FREM1: variants seen among roughly 807,000 people sequenced by gnomAD.
FREM1 encodes the protein FRAS1-related extracellular matrix protein 1.
Under a neutral mutation model 210.1 loss-of-function variants are expected in FREM1, and 220 were observed. That is an observed-to-expected ratio of 1.05 (90% CI 0.94 to 1.17). FREM1 has a LOEUF of 1.17. FREM1 is among the 50% of genes most tolerant of loss of function. FREM1 has a pLI of 0.00. For synonymous variants in FREM1, 1,189 were observed against 980.2 expected (o/e 1.21, Z -3.98); for missense variants, 3,454 against 2,675.5 (o/e 1.29, Z -6.42).
chr9:14,907,975 C>T (rs996520057), intron 1 of FREM1, among the ~76,000 whole-genome samples: 2 of 152,170 alleles, frequency 1.3e-5, no homozygotes, highest in South Asian at 4.1e-4. Context: ...AAGGACCCTG[C>T]CTGTGCATGC....
rs1361617575 is a variant in FREM1, at chr9:14,764,492, G to T, written c.5205-4591C>A. On this transcript the variant is annotated intron_variant, in intron 27 of 36. Transcript: ENST00000380880. The stretch of plus-strand genomic sequence containing the variant: ...CTTTATTAGCATAGAGAGAAAGATG[G>T]CATTGATAAATGAGCATTCTAACAT... Among the ~76,000 whole-genome samples, 3 of 152,170 alleles carry T rather than the reference G, an allele frequency of 2.0e-5. No individual in the cohort carries two copies. The East Asian group carries it at 5.8e-4, about 29-fold the overall frequency.
chr9:14,881,849 G>C (rs963460785), intron 1 of FREM1, among the ~76,000 whole-genome samples: 1 of 152,216 alleles, frequency 6.6e-6, no homozygotes, highest in Non-Finnish European at 1.5e-5. Context: ...GTGTCTCTGA[G>C]AAACCTCCTT....
At chr9:14,834,809 T>C (rs1824233710) in intron 10 of FREM1, among the ~76,000 whole-genome samples, 1 of 152,230 alleles carries the variant, frequency 6.6e-6, no homozygotes. Context: ...TCTAAAATTC[T>C]AATGCCTAAG....
intron 1 of FREM1, among the ~76,000 whole-genome samples, chr9:14,872,020 G>T (rs376613584): frequency 1.3e-5 from 2 of 152,230 alleles, no homozygotes; most frequent in South Asian, 4.2e-4. Context: ...CTGTTCCATT[G>T]ATCTATATCT....
rs377476001 is a variant in FREM1, at chr9:14,775,821, C to A, written c.4825G>T (p.Val1609Leu). The A allele has an allele frequency of 1.2e-6, 2 of 1,613,000 alleles. No homozygotes were observed. The highest frequency in any genetic ancestry group is 2.7e-5 in the African/African-American group (2 of 74,832). ...TNQGFIVNGR[V>L]WEEPVLFTIQ... ...GTGAATAAAACAGGTTCTTCCCACA[C>A]TCTCCCATTCACAATAAAGCCTTGG... The change falls in exon 25 of 37, where the codon GTG becomes TTG. Residue 1609 changes from valine (V) to leucine (L), a missense_variant. Coordinates refer to ENST00000380880, the MANE Select transcript of FREM1 (RefSeq NM_001379081.2).
intron 7 of FREM1, among the ~76,000 whole-genome samples, chr9:14,846,566 A>G (rs73415676): frequency 0.072 from 10,942 of 152,270 alleles, 968 homozygotes; most frequent in African/African-American, 0.21. Flanking sequence ...GTTCTATGAC[A>G]TGCCAACGTG....
intron 24 of FREM1, among the ~76,000 whole-genome samples, chr9:14,783,916 A>G (rs900384817): frequency 1.3e-5 from 2 of 152,198 alleles, no homozygotes; most frequent in African/African-American, 2.4e-5. Context: ...AATGTTTACT[A>G]ATAAATCCCT....
At chr9:14,763,569 G>T (rs1421988254) in intron 27 of FREM1, among the ~76,000 whole-genome samples, 2 of 152,192 alleles carry the variant, frequency 1.3e-5, no homozygotes, top group Non-Finnish European at 1.5e-5. Context: ...GTAAGTGGAA[G>T]ACATGGCATG....
chr9:14,889,360 A>T (rs1346336146), intron 1 of FREM1, among the ~76,000 whole-genome samples: 2 of 152,158 alleles, frequency 1.3e-5, no homozygotes, highest in East Asian at 3.8e-4. Context: ...CACTGTTTTA[A>T]TTTGCACTTC....
chr9:14,784,698 G>C, intron 23 of FREM1, 64 bp from the exon 24 acceptor site: 2 of 1,318,950 alleles, frequency 1.5e-6, no homozygotes, highest in Non-Finnish European at 2.0e-6. Flanking sequence ...CCAAGGCAAA[G>C]GCAGAAGACA....
chr9:14,850,515 C>T (rs552709718), intron 6 of FREM1: 4 of 152,204 alleles, frequency 2.6e-5, no homozygotes, highest in Admixed American at 6.5e-5. Flanking sequence ...CACACAAATT[C>T]GGAAAGTGTT....
At chr9:14,857,822 G>T in intron 4 of FREM1, 73 bp from the exon 5 acceptor site, 2 of 1,069,222 alleles carry the variant, frequency 1.9e-6, no homozygotes, top group Non-Finnish European at 2.7e-6. Context: ...CCAGTACTCC[G>T]TCCCATGAAT....
chr9:14,818,118 T>C (rs1164189773), intron 14 of FREM1, among the ~76,000 whole-genome samples: 2 of 152,210 alleles, frequency 1.3e-5, no homozygotes, highest in African/African-American at 4.8e-5. Context: ...TTGTCAGACT[T>C]GATTACTATG....
At chr9:14,748,719 C>G in intron 30 of FREM1, 80 bp from the exon 31 acceptor site, 1 of 914,570 alleles carries the variant, frequency 1.1e-6, no homozygotes, top group Non-Finnish European at 1.7e-6. Flanking sequence ...GCTCCTGGAG[C>G]AGCTTGTCAT....
At chr9:14,792,005 C>T (rs1355584017) in intron 22 of FREM1, among the ~76,000 whole-genome samples, 6 of 151,948 alleles carry the variant, frequency 3.9e-5, no homozygotes, top group African/African-American at 7.3e-5. Flanking sequence ...CTGCCACACC[C>T]GGCTAATTTT....
At chr9:14,763,784 C>A (rs1845923086) in intron 27 of FREM1, among the ~76,000 whole-genome samples, 1 of 152,202 alleles carries the variant, frequency 6.6e-6, no homozygotes, top group African/African-American at 2.4e-5. Context: ...GTACAGCAAG[C>A]ATGCTATCAC....
chr9:14,779,847 G>GA, intron 24 of FREM1, among the ~76,000 whole-genome samples: 1 of 152,298 alleles, frequency 6.6e-6, no homozygotes, highest in South Asian at 2.1e-4. Flanking sequence ...GGCCAGGGGT[G>GA]AAAATGATGC....
intron 21 of FREM1, 33 bp downstream of exon 21, chr9:14,797,465 A>C (rs761145674): frequency 1.3e-6 from 2 of 1,566,906 alleles, no homozygotes; most frequent in South Asian, 1.2e-5. Context: ...AATTGTATAG[A>C]AATCTGAAAG....
chr9:14,910,949 G>A (rs886063775), upstream of FREM1: 1 of 152,174 alleles, frequency 6.6e-6, no homozygotes, highest in East Asian at 1.9e-4. Context: ...CTAAGGTGCT[G>A]TTTTTAAGTA....
Sources: allele counts gnomAD v4.1 joint callset (sites outside exome capture counted in the v4.1 genomes callset), GRCh38; gene constraint gnomAD v4.1.1; transcripts MANE v1.5; gene names NCBI Gene and HGNC (gene_info 2026-07-23, HGNC 2026-07-21).